Variants in ZNF180 observed in about 807,000 individuals in gnomAD.
ZNF180 encodes the protein zinc finger protein 180.
ZNF180 carries 11 observed loss-of-function variants against 11.8 expected under a neutral mutation model. That is an observed-to-expected ratio of 0.93 (90% CI 0.59 to 1.55). The LOEUF (loss-of-function observed/expected upper bound fraction) is 1.55. Among genes scored for constraint, ZNF180 ranks in the 40% most tolerant of loss-of-function variants. The pLI is 0.00. For missense variants in ZNF180, 773 were observed against 781.7 expected (o/e 0.99, Z 0.13); for synonymous variants, 287 against 257.7 (o/e 1.11, Z -1.09).
At chr19:44,491,035 T>C (rs1970436739) in intron 2 of ZNF180, among the ~76,000 whole-genome samples, 1 of 152,336 alleles carries the variant, frequency 6.6e-6, no homozygotes, top group East Asian at 1.9e-4. Flanking sequence ...TCATAAGAGC[T>C]GAGATCTTGT....
At chr19:44,491,405 A>G (rs2571116) in intron 2 of ZNF180, among the ~76,000 whole-genome samples, 98,590 of 152,174 alleles carry the variant, frequency 0.65, 32,507 homozygotes, top group East Asian at 0.89. Flanking sequence ...ATTTTTCCCC[A>G]GGTTCTACTC....
In ZNF180 at chr19:44,495,193, C is replaced by T. The variant is rs1028539804; in HGVS notation, c.51+2091G>A. On this transcript the variant is annotated intron_variant, in intron 2 of 4. Coordinates refer to ENST00000592529, the MANE Select transcript of ZNF180 (RefSeq NM_001278509.3). This position sits in a 1 kb window ranked among gnomAD's most constrained non-coding sequence, Gnocchi z 4.5. The stretch of plus-strand genomic sequence containing the variant: ...ATACACTTACTTATCTGATCTAGCC[C>T]CCTGTAGGTAGTTCCTCTCCCATTT... Among the ~76,000 whole-genome samples, 14 of 152,078 alleles carry T rather than the reference C, an allele frequency of 9.2e-5. No homozygotes were observed. The highest frequency in any genetic ancestry group is 3.4e-4 in the African/African-American group (14 of 41,384).
chr19:44,481,365 C>G (rs879821407), intron 3 of ZNF180, among the ~76,000 whole-genome samples: 1 of 152,240 alleles, frequency 6.6e-6, no homozygotes, highest in South Asian at 2.1e-4. Context: ...ATTAGCCCAA[C>G]GTGAAATTCA....
At chr19:44,500,080 C>T in intron 1 of ZNF180, 195 bp downstream of exon 1, 1 of 1,472,856 alleles carries the variant, frequency 6.8e-7, no homozygotes, top group Non-Finnish European at 9.4e-7. Context: ...CAAGCACCCG[C>T]GCATGCACGC....
chr19:44,479,551 G>T, intron 3 of ZNF180, 142 bp from the exon 4 acceptor site: 1 of 1,148,794 alleles, frequency 8.7e-7, no homozygotes, highest in Non-Finnish European at 1.2e-6. Flanking sequence ...AAAGATTCCA[G>T]TCAAGATGTA....
intron 2 of ZNF180, among the ~76,000 whole-genome samples, chr19:44,487,884 G>A (rs949839515): frequency 2.6e-5 from 4 of 151,944 alleles, no homozygotes; most frequent in Non-Finnish European, 4.4e-5. Context: ...ACATCACCAC[G>A]CCCAGCTAAT....
In ZNF180 at chr19:44,495,448, C is replaced by T. The variant is rs931548484; in HGVS notation, c.51+1836G>A. 2.0e-5 allele frequency among the ~76,000 whole-genome samples: 3 copies of T among 152,118 alleles called. No homozygotes were observed. Among genetic ancestry groups the T allele is most frequent in the African/African-American group, 7.2e-5 (3 of 41,418 alleles). On this transcript the variant is annotated intron_variant, in intron 2 of 4. Transcript: ENST00000592529. The surrounding 1 kb of genome is among the most constrained non-coding windows in gnomAD (Gnocchi z 4.5). The stretch of plus-strand genomic sequence containing the variant: ...CTCCACATGCCGCTGGGCTCTGACA[C>T]CCCTGCAGGCCACCCTCACGCATGA...
chr19:44,496,976 C>T (rs1452809614), intron 2 of ZNF180, among the ~76,000 whole-genome samples: 1 of 152,228 alleles, frequency 6.6e-6, no homozygotes, highest in Non-Finnish European at 1.5e-5. Context: ...TATCCTCTTA[C>T]ATTGCACATT....
At chr19:44,500,210 C>A in intron 1 of ZNF180, 65 bp downstream of exon 1, 1 of 1,614,180 alleles carries the variant, frequency 6.2e-7, no homozygotes, top group Middle Eastern at 1.6e-4. Flanking sequence ...CCGCTTCCAG[C>A]TTCCCGCGTA....
chr19:44,484,713 G>A (rs1054801695), intron 2 of ZNF180: 1 of 497,608 alleles, frequency 2.0e-6, no homozygotes, highest in Non-Finnish European at 3.7e-6. Flanking sequence ...AGCTGACTGA[G>A]TGATCCAAGA....
At chr19:44,478,850 A>AC (rs1970002633) in intron 4 of ZNF180, among the ~76,000 whole-genome samples, 2 of 152,122 alleles carry the variant, frequency 1.3e-5, no homozygotes, top group African/African-American at 4.8e-5. Context: ...TTCTATGCGG[A>AC]TTTTTTCAAA....
In ZNF180 at chr19:44,477,806, T is replaced by G. The variant is rs370524426; in HGVS notation, c.594A>C (p.Lys198Asn). ...TTACAGCAGCATTAAGATGCCATTTTTTAGCATGTGATACATGTTTATGAA... is the reference window on the plus strand; with the variant it reads ...TTACAGCAGCATTAAGATGCCATTTGTTAGCATGTGATACATGTTTATGAA... ...NHFHKHVSHAKKWHLNAAVNS... is the reference protein window; with the variant it reads ...NHFHKHVSHANKWHLNAAVNS... The change falls in exon 5 of 5, where the codon AAA (lysine) becomes AAC (asparagine). Residue 198 changes from lysine to asparagine, a missense_variant. By Grantham distance (94) the Lys-to-Asn change is moderately conservative. Transcript: ENST00000592529. 2 of 1,613,900 alleles carry G rather than the reference T, an allele frequency of 1.2e-6. No homozygotes were observed. The highest frequency in any genetic ancestry group is 2.7e-5 in the African/African-American group (2 of 74,926).
rs1473925996 is a variant in ZNF180, at chr19:44,477,828, T to C, written c.572A>G (p.His191Arg). 1.2e-6 allele frequency: 2 copies of C among 1,613,894 alleles called. No individual in the cohort carries two copies. Among genetic ancestry groups the C allele is most frequent in the Non-Finnish European group, 1.7e-6 (2 of 1,179,984 alleles). Residue 191 changes from histidine (H) to arginine (R), a missense_variant, in exon 5 of 5, where the codon CAT (histidine) becomes CGT (arginine). Transcript: ENST00000592529. ...TTTTTTAGCATGTGATACATGTTTA[T>C]GAAAATGGTTTCTTATGGGTATAAC... is the stretch of plus-strand genomic sequence containing the variant. ...SPVIPIRNHF[H>R]KHVSHAKKWH... is the part of the protein sequence containing the mutation.
Position 44,497,176 on chromosome 19 carries a change from G to T in ZNF180, c.51+108C>A, listed in dbSNP as rs1970610133. 4.6e-6 allele frequency: 4 copies of T among 879,016 alleles called. No individual in the cohort carries two copies. The African/African-American group carries it at 5.3e-5, about 12-fold the overall frequency. 54.5% of individuals were successfully genotyped at this position (879,016 alleles called of 1,614,324 possible). On this transcript the variant is annotated intron_variant, in intron 2 of 4. Transcript: ENST00000592529. ...GTGTTAGAAGCCTGATGGCCATGAG[G>T]GCCTCAAACCCCCTAAAAGGCTGCA...
rs1970281245 is a variant in ZNF180, at chr19:44,488,077, TCC to T, written c.52-3644_52-3643del. Among the ~76,000 whole-genome samples, 153 of 102,976 alleles carry T rather than the reference TCC, an allele frequency of 1.5e-3. 3 individuals are homozygous for T. Among genetic ancestry groups the T allele is most frequent in the Middle Eastern group, 5.4e-3 (1 of 184 alleles). The allele number at this position is 102,976 out of a possible 152,430, so 67.6% of individuals were successfully genotyped here. A position where few individuals can be genotyped will look rare whatever the true frequency, so the allele number is the denominator to read the frequency against. On this transcript the variant is annotated intron_variant, in intron 2 of 4. Transcript: ENST00000592529. ...CGCCCTCGCCCTTGCCCTCTCCCTC[TCC>T]CTCTCCCCACGGTCTCCCTCTCCCT...
At chr19:44,490,485 G>A (rs1970424690) in intron 2 of ZNF180, among the ~76,000 whole-genome samples, 1 of 152,136 alleles carries the variant, frequency 6.6e-6, no homozygotes, top group Non-Finnish European at 1.5e-5. Context: ...TATCTGGCCT[G>A]AAAGAAAAAT....
intron 3 of ZNF180, among the ~76,000 whole-genome samples, chr19:44,482,542 T>C (rs1200009576): frequency 1.3e-5 from 2 of 152,136 alleles, no homozygotes; most frequent in Non-Finnish European, 1.5e-5. Context: ...CTTGGAGCTC[T>C]GTCCTACCCA....
intron 1 of ZNF180, among the ~76,000 whole-genome samples, chr19:44,500,041 T>C (rs1311342619): frequency 2.0e-5 from 3 of 152,162 alleles, no homozygotes; most frequent in Non-Finnish European, 4.4e-5. Context: ...CTGGGCATCC[T>C]CAGGCCCCAG....
intron 3 of ZNF180, 93 bp from the exon 4 acceptor site, chr19:44,479,502 T>G: frequency 3.3e-6 from 5 of 1,529,096 alleles, no homozygotes; most frequent in Non-Finnish European, 4.4e-6. Context: ...AAAAGGAAAA[T>G]TGGTGACCTG....
Sources: allele counts gnomAD v4.1 joint callset (sites outside exome capture counted in the v4.1 genomes callset), GRCh38; gene constraint gnomAD v4.1.1; non-coding constraint Gnocchi (gnomAD v3.1); transcripts MANE v1.5; gene names NCBI Gene and HGNC (gene_info 2026-07-23, HGNC 2026-07-21).